NRG1: variants seen among roughly 807,000 people sequenced by gnomAD.
NRG1 encodes the protein pro-neuregulin-1, membrane-bound isoform.
Under a neutral mutation model 63.8 loss-of-function variants are expected in NRG1, and 18 were observed. The ratio of observed to expected loss-of-function variants is 0.28; its 90% CI spans 0.19 to 0.42. The LOEUF (loss-of-function observed/expected upper bound fraction) is 0.42. Ranked by LOEUF, NRG1 falls within the 10% of genes least tolerant of loss-of-function variation. The pLI, the probability that NRG1 is intolerant of heterozygous loss-of-function variation, is 1.00. For missense variants in NRG1, 762 were observed against 814.7 expected (o/e 0.94, Z 0.79); for synonymous variants, 302 against 301.3 (o/e 1.00, Z -0.02).
intron 1 of NRG1, among the ~76,000 whole-genome samples, chr8:31,767,519 T>C (rs1818187546): frequency 6.6e-6 from 1 of 152,172 alleles, no homozygotes; most frequent in South Asian, 2.1e-4. Context: ...TTCACCACAG[T>C]AAGCCATAAT....
intron 5 of NRG1, among the ~76,000 whole-genome samples, chr8:32,659,960 G>C (rs1802464030): frequency 6.6e-6 from 1 of 152,088 alleles, no homozygotes; most frequent in South Asian, 2.1e-4. Flanking sequence ...TATTGCTTGT[G>C]CTTTATCACA....
intron 1 of NRG1, among the ~76,000 whole-genome samples, chr8:32,066,345 T>C (rs906882098): frequency 5.9e-5 from 9 of 152,204 alleles, no homozygotes; most frequent in African/African-American, 1.9e-4. Context: ...CTTTAATCCA[T>C]GTTGAATTAA....
intron 5 of NRG1, among the ~76,000 whole-genome samples, chr8:32,639,375 C>A (rs988725406): frequency 6.6e-6 from 1 of 152,108 alleles, no homozygotes; most frequent in African/African-American, 2.4e-5. Flanking sequence ...CACTGCACTC[C>A]AGCCTAAGCG....
intron 1 of NRG1, among the ~76,000 whole-genome samples, chr8:32,112,479 C>T (rs1466729963): frequency 1.3e-5 from 2 of 152,132 alleles, no homozygotes; most frequent in Admixed American, 6.6e-5. Flanking sequence ...GTCAAATCTC[C>T]GTATATTTTC....
At chr8:31,727,902 T>C (rs762896555) in intron 1 of NRG1, among the ~76,000 whole-genome samples, 18 of 151,962 alleles carry the variant, frequency 1.2e-4, no homozygotes, top group Non-Finnish European at 1.9e-4. Context: ...TGAAGGAAAA[T>C]AAAGGTGATT....
At chr8:32,196,777 G>A (rs35490139) in intron 1 of NRG1, among the ~76,000 whole-genome samples, 7,044 of 151,918 alleles carry the variant, frequency 0.046, 243 homozygotes, top group Middle Eastern at 0.099. Flanking sequence ...CATACTCAAA[G>A]TCTGTGAACC....
intron 1 of NRG1, among the ~76,000 whole-genome samples, chr8:32,244,573 G>A (rs1848431173): frequency 6.6e-6 from 1 of 152,156 alleles, no homozygotes; most frequent in Admixed American, 6.5e-5. Context: ...AAAAGTTTAA[G>A]GGATTTCTTA....
chr8:31,810,351 A>G (rs1202790267), intron 1 of NRG1, among the ~76,000 whole-genome samples: 1 of 152,140 alleles, frequency 6.6e-6, no homozygotes, highest in East Asian at 1.9e-4. Flanking sequence ...CCTGCAAACA[A>G]CAACAATAAC....
At chr8:32,512,075 C>G (rs1457426953) in intron 1 of NRG1, among the ~76,000 whole-genome samples, 1 of 151,154 alleles carries the variant, frequency 6.6e-6, no homozygotes, top group Non-Finnish European at 1.5e-5. Flanking sequence ...AGCTGGCCTT[C>G]TTCATAATCC....
intron 7 of NRG1, among the ~76,000 whole-genome samples, chr8:32,753,619 A>G (rs982305309): frequency 2.0e-5 from 3 of 152,324 alleles, no homozygotes; most frequent in Non-Finnish European, 4.4e-5. Flanking sequence ...TCCAAAGGAC[A>G]AGTCACCATT....
intron 5 of NRG1, among the ~76,000 whole-genome samples, chr8:32,705,084 A>C (rs1295884117): frequency 6.6e-6 from 1 of 152,230 alleles, no homozygotes; most frequent in East Asian, 1.9e-4. Context: ...ATATTTAATA[A>C]AATACAGCTT....
At chr8:32,000,434 T>C (rs902512941) in intron 1 of NRG1, among the ~76,000 whole-genome samples, 4 of 151,792 alleles carry the variant, frequency 2.6e-5, no homozygotes, top group African/African-American at 9.7e-5. Context: ...GCCTGGCTAA[T>C]ATTTTATATA....
chr8:31,738,544 C>G (rs1248437883), intron 1 of NRG1, among the ~76,000 whole-genome samples: 1 of 152,092 alleles, frequency 6.6e-6, no homozygotes, highest in African/African-American at 2.4e-5. Context: ...TATTAGGCCT[C>G]TCTTTCCAGG....
chr8:31,683,786 G>A (rs1215676731), intron 1 of NRG1, among the ~76,000 whole-genome samples: 1 of 152,082 alleles, frequency 6.6e-6, no homozygotes, highest in Non-Finnish European at 1.5e-5. Context: ...AGCTGTGCAT[G>A]TGGGTGGGGC....
At chr8:32,470,331 C>G (rs1823675908) in intron 1 of NRG1, among the ~76,000 whole-genome samples, 1 of 152,060 alleles carries the variant, frequency 6.6e-6, no homozygotes, top group Admixed American at 6.5e-5. Flanking sequence ...CAGGCGCCCG[C>G]CACCACACCC....
intron 1 of NRG1, among the ~76,000 whole-genome samples, chr8:31,956,247 A>G (rs2129624554): frequency 6.6e-6 from 1 of 152,026 alleles, no homozygotes; most frequent in East Asian, 1.9e-4. Flanking sequence ...AAAGAGAGTC[A>G]GTGCTGATAA....
chr8:32,686,470 C>T (rs1373158458), intron 5 of NRG1, among the ~76,000 whole-genome samples: 1 of 152,106 alleles, frequency 6.6e-6, no homozygotes, highest in Non-Finnish European at 1.5e-5. Context: ...TGAGTGAAGT[C>T]AGGGAGACAG....
At chr8:32,708,978 T>TA (rs755421688) in intron 5 of NRG1, among the ~76,000 whole-genome samples, 20 of 152,228 alleles carry the variant, frequency 1.3e-4, no homozygotes, top group Non-Finnish European at 2.5e-4. Context: ...TTATTTTTAT[T>TA]AAAAAAGTAA....
At chr8:32,719,854 C>T (rs1431162985) in intron 5 of NRG1, among the ~76,000 whole-genome samples, 1 of 151,734 alleles carries the variant, frequency 6.6e-6, no homozygotes, top group African/African-American at 2.4e-5. Flanking sequence ...TAATTTAGTC[C>T]CTGTTGGTTA....
Sources: gnomAD v4.1 joint callset for allele counts (sites outside exome capture counted in the v4.1 genomes callset) on GRCh38, gnomAD v4.1.1 for gene constraint, MANE v1.5 for transcripts, NCBI Gene and HGNC (gene_info 2026-07-23, HGNC 2026-07-21) for gene names.